Variants in NELL2 observed in about 807,000 individuals in gnomAD.
NELL2 encodes protein kinase C-binding protein NELL2.
In NELL2, 41 loss-of-function variants were observed where a neutral mutation model predicts 109.6. The observed-to-expected ratio is 0.37, with a 90% CI of 0.29 to 0.49. The LOEUF is 0.49. NELL2 is among the 20% of genes least tolerant of loss of function. NELL2 has a pLI of 0.98. For synonymous variants in NELL2, 355 were observed against 344.7 expected (o/e 1.03, Z -0.33); for missense variants, 900 against 1,008.3 (o/e 0.89, Z 1.45).
At chr12:44,572,442 C>T (rs1943911432) in intron 15 of NELL2, among the ~76,000 whole-genome samples, 2 of 152,190 alleles carry the variant, frequency 1.3e-5, no homozygotes, top group African/African-American at 2.4e-5. Flanking sequence ...AGCTACTGTG[C>T]CTGGTCTGCT....
chr12:44,533,965 C>T (rs936127394), intron 15 of NELL2, among the ~76,000 whole-genome samples: 21 of 152,098 alleles, frequency 1.4e-4, no homozygotes, highest in African/African-American at 5.1e-4. Flanking sequence ...ACACCTGAAT[C>T]ATATTCCCTG....
chr12:44,843,417 C>G (rs1298606972), intron 2 of NELL2, among the ~76,000 whole-genome samples: 1 of 152,082 alleles, frequency 6.6e-6, no homozygotes, highest in East Asian at 1.9e-4. Context: ...AAATGTGGAA[C>G]AACTGGAACT....
At chr12:44,599,988 G>A (rs1252271133) in intron 15 of NELL2, among the ~76,000 whole-genome samples, 1 of 137,274 alleles carries the variant, frequency 7.3e-6, no homozygotes, top group African/African-American at 2.7e-5. Flanking sequence ...TTGAGATGGA[G>A]TCTCGCTCTG....
At chr12:44,570,873 T>C (rs1376107744) in intron 15 of NELL2, among the ~76,000 whole-genome samples, 1 of 152,154 alleles carries the variant, frequency 6.6e-6, no homozygotes, top group Non-Finnish European at 1.5e-5. Flanking sequence ...CAGAAATGCA[T>C]TATGTCTAAA....
chr12:44,551,487 A>G (rs1010079128), intron 15 of NELL2, among the ~76,000 whole-genome samples: 3 of 151,106 alleles, frequency 2.0e-5, no homozygotes, highest in South Asian at 4.1e-4. Flanking sequence ...ACAGATCTGT[A>G]TAGCAGGAGT....
intron 12 of NELL2, among the ~76,000 whole-genome samples, chr12:44,687,363 C>A (rs1948757768): frequency 6.6e-6 from 1 of 152,222 alleles, no homozygotes; most frequent in Non-Finnish European, 1.5e-5. Flanking sequence ...AATCACCCGT[C>A]TTCTGTGTCC....
chr12:44,850,055 G>A (rs981919114), intron 2 of NELL2, among the ~76,000 whole-genome samples: 4 of 151,916 alleles, frequency 2.6e-5, no homozygotes, highest in Non-Finnish European at 4.4e-5. Flanking sequence ...TTTGGGTGGC[G>A]GTTATCTGAT....
rs759488799 is a variant in NELL2, at chr12:44,607,212, C to T, written c.1620G>A (p.Val540=). 1.9e-6 allele frequency: 3 copies of T among 1,612,862 alleles called. No homozygotes were observed. The highest frequency in any genetic ancestry group is 2.5e-6 in the Non-Finnish European group (3 of 1,179,246). Residue 540 remains valine (V), a synonymous_variant, in exon 15 of 20, where the codon GTG becomes GTA. Coordinates refer to ENST00000429094, the MANE Select transcript of NELL2 (RefSeq NM_001145108.2). ...CAGTGAAGCCTTGTGGGCAGGCACA[C>T]ACATTAGCGGCAATACAGGCTCCTC... ...RNGGACIAAN[V]CACPQGFTGP...
intron 2 of NELL2, among the ~76,000 whole-genome samples, chr12:44,846,742 G>A (rs1221492374): frequency 6.9e-6 from 1 of 145,336 alleles, no homozygotes; most frequent in Non-Finnish European, 1.6e-5. Flanking sequence ...AGCATATGTG[G>A]TTTGTTATGC....
At chr12:44,703,617 CT>C in intron 12 of NELL2, 108 bp downstream of exon 12, 8 of 1,129,550 alleles carry the variant, frequency 7.1e-6, no homozygotes, top group Non-Finnish European at 1.0e-5. Context: ...ATTAAATTCA[CT>C]GCTTTTAATG....
At chr12:44,811,091 C>T (rs1157386591) in intron 3 of NELL2, among the ~76,000 whole-genome samples, 1 of 151,940 alleles carries the variant, frequency 6.6e-6, no homozygotes, top group Non-Finnish European at 1.5e-5. Flanking sequence ...AAACCAAACA[C>T]CGCATGTTCT....
At chr12:44,717,516 A>G (rs1938551745) in intron 9 of NELL2, among the ~76,000 whole-genome samples, 1 of 152,186 alleles carries the variant, frequency 6.6e-6, no homozygotes, top group South Asian at 2.1e-4. Context: ...TCCATAAGTT[A>G]TATGGAAACT....
intron 15 of NELL2, among the ~76,000 whole-genome samples, chr12:44,580,594 T>C (rs1485842476): frequency 6.6e-6 from 1 of 152,084 alleles, no homozygotes; most frequent in Non-Finnish European, 1.5e-5. Context: ...GCACCTGTAA[T>C]CCCAGCTACT....
chr12:44,554,377 G>A (rs1448863263), intron 15 of NELL2, among the ~76,000 whole-genome samples: 1 of 152,090 alleles, frequency 6.6e-6, no homozygotes, highest in African/African-American at 2.4e-5. Context: ...ATATGATTAT[G>A]CTTACATAAA....
At chr12:44,910,974 C>G in intron 1 of NELL2, among the ~76,000 whole-genome samples, 1 of 151,674 alleles carries the variant, frequency 6.6e-6, no homozygotes, top group Non-Finnish European at 1.5e-5. Context: ...ATAAAGATGG[C>G]AATAATAGAC....
At chr12:44,769,004 CA>C (rs72119201) in intron 9 of NELL2, among the ~76,000 whole-genome samples, 4 of 151,010 alleles carry the variant, frequency 2.6e-5, no homozygotes, top group African/African-American at 7.3e-5. Context: ...CTGTTAAAAA[CA>C]AAAAAAAATT....
At chr12:44,526,407 T>C (rs1941774216) in intron 16 of NELL2, among the ~76,000 whole-genome samples, 1 of 152,222 alleles carries the variant, frequency 6.6e-6, no homozygotes, top group South Asian at 2.1e-4. Context: ...ATTCTCACTT[T>C]ATAAATCAGG....
At chr12:44,518,620 A>G (rs1941387888) in intron 19 of NELL2, among the ~76,000 whole-genome samples, 1 of 152,188 alleles carries the variant, frequency 6.6e-6, no homozygotes, top group African/African-American at 2.4e-5. Flanking sequence ...TTCTTACTGG[A>G]AATATCCATC....
intron 15 of NELL2, among the ~76,000 whole-genome samples, chr12:44,581,737 G>A (rs1302466983): frequency 6.6e-6 from 1 of 152,066 alleles, no homozygotes; most frequent in Admixed American, 6.6e-5. Context: ...ATTACAGTAA[G>A]TTAATAAAAA....
Sources: gnomAD v4.1 joint callset for allele counts (sites outside exome capture counted in the v4.1 genomes callset) on GRCh38, gnomAD v4.1.1 for gene constraint, MANE v1.5 for transcripts, NCBI Gene and HGNC (gene_info 2026-07-23, HGNC 2026-07-21) for gene names.